Variants in ADARB2 observed in about 807,000 individuals in gnomAD.
The protein encoded by ADARB2 is inactive double-stranded RNA-specific editase B2.
A neutral mutation model predicts 62.2 loss-of-function variants in ADARB2; 25 were observed. The ratio of observed to expected loss-of-function variants is 0.40; its 90% CI spans 0.29 to 0.56. ADARB2 has a LOEUF of 0.56. ADARB2 is among the 20% of genes least tolerant of loss of function. ADARB2 has a pLI of 0.43. For synonymous variants in ADARB2, 572 were observed against 500.8 expected, an observed-to-expected ratio of 1.14 and a Z score of -1.90; for missense variants, 1,071 against 1,077.4, an observed-to-expected ratio of 0.99 and a Z score of 0.08.
intron 1 of ADARB2, among the ~76,000 whole-genome samples, chr10:1,510,482 C>T (rs919664970): frequency 1.3e-5 from 2 of 152,198 alleles, no homozygotes; most frequent in East Asian, 3.9e-4. Flanking sequence ...GTGCAGGCAC[C>T]AGAAGTGATT....
intron 3 of ADARB2, among the ~76,000 whole-genome samples, chr10:1,277,019 T>C (rs948862423): frequency 6.6e-5 from 10 of 151,724 alleles, no homozygotes; most frequent in East Asian, 1.9e-4. Flanking sequence ...GGGTACATAA[T>C]GAAATGAAGG....
At chr10:1,262,540 A>G (rs542357862) in intron 4 of ADARB2, among the ~76,000 whole-genome samples, 1 of 147,740 alleles carries the variant, frequency 6.8e-6, no homozygotes, top group East Asian at 2.0e-4. Context: ...AAAAATGCTC[A>G]TCATCACTGG....
chr10:1,554,419 C>G (rs1442846450), intron 1 of ADARB2, among the ~76,000 whole-genome samples: 1 of 152,200 alleles, frequency 6.6e-6, no homozygotes, highest in African/African-American at 2.4e-5. Context: ...TGTCTCTTCC[C>G]TGGTGTATGC....
At chr10:1,357,713 T>G (rs1282013758) in intron 3 of ADARB2, among the ~76,000 whole-genome samples, 1 of 152,176 alleles carries the variant, frequency 6.6e-6, no homozygotes, top group Admixed American at 6.5e-5. Flanking sequence ...GGTGTGGGCA[T>G]AAGTATCTTA....
intron 1 of ADARB2, among the ~76,000 whole-genome samples, chr10:1,620,948 T>C (rs1296201308): frequency 6.6e-6 from 1 of 152,184 alleles, no homozygotes; most frequent in Non-Finnish European, 1.5e-5. Flanking sequence ...CTGAGTACAA[T>C]GGAACTTCTG....
At chr10:1,544,016 AAC>A (rs869053392) in intron 1 of ADARB2, among the ~76,000 whole-genome samples, 710 of 15,016 alleles carry the variant, frequency 0.047, 5 homozygotes, top group Admixed American at 0.072. Context: ...AAAAAAAACA[AAC>A]AAAAAAAAAA....
chr10:1,323,290 G>A (rs1019786456), intron 3 of ADARB2, among the ~76,000 whole-genome samples: 1 of 147,614 alleles, frequency 6.8e-6, no homozygotes, highest in Admixed American at 6.7e-5. Flanking sequence ...TATGTATGAC[G>A]AAAATTACAA....
intron 1 of ADARB2, among the ~76,000 whole-genome samples, chr10:1,694,248 A>G (rs1292048900): frequency 6.6e-6 from 1 of 152,250 alleles, no homozygotes; most frequent in African/African-American, 2.4e-5. Flanking sequence ...TAAGCATCAC[A>G]TCTTGCTGTG....
chr10:1,647,480 T>G (rs1834058362), intron 1 of ADARB2, among the ~76,000 whole-genome samples: 1 of 152,212 alleles, frequency 6.6e-6, no homozygotes, highest in Non-Finnish European at 1.5e-5. Context: ...TACGTGTGTA[T>G]ACTTGTGTAT....
intron 3 of ADARB2, among the ~76,000 whole-genome samples, chr10:1,331,562 T>C (rs1831927997): frequency 1.3e-5 from 2 of 152,196 alleles, no homozygotes; most frequent in East Asian, 3.8e-4. Flanking sequence ...GACAGAAAGA[T>C]CAGTGGTTGC....
At chr10:1,379,234 A>C (rs1196905942) in intron 1 of ADARB2, 74 bp from the exon 2 acceptor site, 1 of 1,258,112 alleles carries the variant, frequency 7.9e-7, no homozygotes, top group Non-Finnish European at 1.2e-6. Context: ...ATAAGTTCTT[A>C]TTACTGAATG....
At chr10:1,264,187 C>T (rs1422656821) in intron 4 of ADARB2, among the ~76,000 whole-genome samples, 1 of 152,020 alleles carries the variant, frequency 6.6e-6, no homozygotes, top group Non-Finnish European at 1.5e-5. Flanking sequence ...GATAATTCAC[C>T]ATCTTTCATC....
chr10:1,355,774 A>C (rs569712753), intron 3 of ADARB2, among the ~76,000 whole-genome samples: 5 of 152,376 alleles, frequency 3.3e-5, no homozygotes, highest in African/African-American at 1.2e-4. Flanking sequence ...TATTATATAA[A>C]TGTATATCGT....
chr10:1,602,433 A>C (rs1371593619), intron 1 of ADARB2, among the ~76,000 whole-genome samples: 1 of 152,160 alleles, frequency 6.6e-6, no homozygotes, highest in Non-Finnish European at 1.5e-5. Context: ...CTCCCAAGGA[A>C]TGGAGGAGGG....
At chr10:1,653,610 C>T (rs111638390) in intron 1 of ADARB2, among the ~76,000 whole-genome samples, 1 of 142,040 alleles carries the variant, frequency 7.0e-6, no homozygotes, top group African/African-American at 2.5e-5. Flanking sequence ...CCACCCAACG[C>T]CTTCTGTGCC....
chr10:1,638,098 C>A (rs11250689), intron 1 of ADARB2, among the ~76,000 whole-genome samples: 2 of 152,220 alleles, frequency 1.3e-5, no homozygotes, highest in East Asian at 3.9e-4. Flanking sequence ...CCTTTTCTAG[C>A]TCTCATTAGT....
intron 1 of ADARB2, among the ~76,000 whole-genome samples, chr10:1,620,564 A>T (rs983092658): frequency 1.3e-5 from 2 of 152,246 alleles, no homozygotes; most frequent in Non-Finnish European, 2.9e-5. Flanking sequence ...AAAAATACTA[A>T]CAATCTTTTA....
intron 1 of ADARB2, among the ~76,000 whole-genome samples, chr10:1,476,542 G>T (rs1315059411): frequency 1.3e-5 from 2 of 152,214 alleles, no homozygotes; most frequent in African/African-American, 2.4e-5. Context: ...CATCTGCCAG[G>T]TGGTTATTGC....
At chr10:1,328,229 A>G (rs1291032672) in intron 3 of ADARB2, among the ~76,000 whole-genome samples, 1 of 152,106 alleles carries the variant, frequency 6.6e-6, no homozygotes, top group Non-Finnish European at 1.5e-5. Context: ...CGGCACAGGG[A>G]CCCCTCTATG....
Sources: gnomAD v4.1 joint callset for allele counts (sites outside exome capture counted in the v4.1 genomes callset) on GRCh38, gnomAD v4.1.1 for gene constraint, MANE v1.5 for transcripts, NCBI Gene and HGNC (gene_info 2026-07-23, HGNC 2026-07-21) for gene names.